Variants in PSMD3 observed in about 807,000 individuals in gnomAD.
PSMD3 encodes the protein 26S proteasome non-ATPase regulatory subunit 3.
In PSMD3, 5 loss-of-function variants were observed where a neutral mutation model predicts 62.8. The observed-to-expected ratio is 0.08, with a 90% CI of 0.04 to 0.17. PSMD3 has a LOEUF of 0.17. Ranked by LOEUF, PSMD3 falls within the 10% of genes least tolerant of loss-of-function variation. The pLI is 1.00. For missense variants in PSMD3, 524 were observed against 713.6 expected, an observed-to-expected ratio of 0.73 and a Z score of 3.03; for synonymous variants, 265 against 283.9, an observed-to-expected ratio of 0.93 and a Z score of 0.67.
chr17:39,994,716 C>T, intron 6 of PSMD3: 1 of 546,186 alleles, frequency 1.8e-6, no homozygotes, highest in Non-Finnish European at 3.3e-6. Flanking sequence ...TGAAATGCAG[C>T]TGACGGCTCT....
In PSMD3 at chr17:39,996,698, C is replaced by T. The variant is rs1022617431; in HGVS notation, c.1476+360C>T. 10 of 491,122 alleles carry T rather than the reference C, an allele frequency of 2.0e-5. No homozygotes were observed. Among genetic ancestry groups the T allele is most frequent in the Non-Finnish European group, 2.8e-5 (7 of 250,872 alleles). The allele number at this position is 491,122 out of a possible 1,614,324, so 30.4% of individuals were successfully genotyped here. A position where few individuals can be genotyped will look rare whatever the true frequency, so the allele number is the denominator to read the frequency against. ...GGTGTTACCTGTCTTGCTTGCTTCA[C>T]AGGGTTGGTAAGATTAAAAGAAGTC... On this transcript the variant is annotated intron_variant, in intron 10 of 11. Coordinates refer to ENST00000264639, the MANE Select transcript of PSMD3 (RefSeq NM_002809.4). This position sits in a 1 kb window ranked among gnomAD's most constrained non-coding sequence, Gnocchi z 5.1.
intron 6 of PSMD3, among the ~76,000 whole-genome samples, chr17:39,992,794 T>C (rs1482755073): frequency 1.4e-5 from 2 of 147,906 alleles, no homozygotes; most frequent in Admixed American, 6.9e-5. Flanking sequence ...CTGTCTCCCC[T>C]GGCTCCCTCC....
rs1355846744 is a variant in PSMD3 at position 39,984,355 on chromosome 17, G to A, written c.282G>A (p.Val94=). 2 of 1,613,810 alleles carry A rather than the reference G, an allele frequency of 1.2e-6. No individual in the cohort carries two copies. Among genetic ancestry groups the A allele is most frequent in the South Asian group, 1.1e-5 (1 of 91,052 alleles). The change falls in exon 2 of 12, where the codon GTG becomes GTA. Residue 94 remains valine (V), a synonymous_variant. Coordinates refer to ENST00000264639, the MANE Select transcript of PSMD3 (RefSeq NM_002809.4). ...KAVSGKEPRF[V]LRALRMLPST... ...TTTCAGGCAAGGAGCCGAGATTCGTGCTGCGGGCCCTGCGGATGCTGCCTT... is the reference window on the plus strand; with the variant it reads ...TTTCAGGCAAGGAGCCGAGATTCGTACTGCGGGCCCTGCGGATGCTGCCTT...
In PSMD3 at chr17:39,984,418, G is replaced by A; in HGVS notation, c.345G>A (p.Lys115=). 1.2e-6 allele frequency: 2 copies of A among 1,613,630 alleles called. No homozygotes were observed. Among genetic ancestry groups the A allele is most frequent in the Non-Finnish European group, 1.7e-6 (2 of 1,179,882 alleles). ...GCCTCAACCACTATGTTCTGTATAA[G>A]GCTGTGCAGGGCTTCTTCACTTCAA... ...SRRLNHYVLY[K]AVQGFFTSNN... is the part of the protein sequence containing the mutation. Residue 115 remains lysine (K), a synonymous_variant, in exon 2 of 12, where the codon AAG becomes AAA. Transcript: ENST00000264639.
Position 39,989,841 on chromosome 17 carries a change from G to C in PSMD3, c.789G>C (p.Leu263Phe). ...TGCGGAATTACCTACACTACAGCTTGTACGACCAGGCTGAGAAGCTGGTGT... is the reference window on the plus strand; with the variant it reads ...TGCGGAATTACCTACACTACAGCTTCTACGACCAGGCTGAGAAGCTGGTGT... ...LLLRNYLHYSLYDQAEKLVSK... is the reference protein window; with the variant it reads ...LLLRNYLHYSFYDQAEKLVSK... Residue 263 changes from leucine (L) to phenylalanine (F), a missense_variant, in exon 5 of 12, where the codon TTG becomes TTC. By Grantham distance (22) the Leu-to-Phe change is conservative. Around this residue, in one of 4 missense-constraint regions of PSMD3, gnomAD observed 396 missense variants for 475.8 expected, o/e 0.83. Transcript: ENST00000264639. 1 of 1,614,214 alleles carries C rather than the reference G, an allele frequency of 6.2e-7. No individual in the cohort carries two copies. Among genetic ancestry groups the C allele is most frequent in the Non-Finnish European group, 8.5e-7 (1 of 1,180,042 alleles).
At chr17:39,985,413 T>C (rs1360449595) in intron 2 of PSMD3, among the ~76,000 whole-genome samples, 1 of 152,214 alleles carries the variant, frequency 6.6e-6, no homozygotes, top group East Asian at 1.9e-4. Context: ...GAGCAGTGCC[T>C]GGTACGTAGT....
rs1980370090 is a variant in PSMD3, at chr17:39,981,085, G to C, written c.115G>C (p.Glu39Gln). The C allele has an allele frequency of 6.4e-7, 1 of 1,550,812 alleles. No individual in the cohort carries two copies. Among genetic ancestry groups the C allele is most frequent in the Non-Finnish European group, 8.7e-7 (1 of 1,146,814 alleles). ...GGCCCCCCAGGATGTGGAGATGAAA[G>C]AGGAGGCAGCGACGGGTGGCGGGTC... ...PPAPQDVEMKEEAATGGGSTG... is the reference protein window; with the variant it reads ...PPAPQDVEMKQEAATGGGSTG... Residue 39 changes from glutamate to glutamine, a missense_variant, in exon 1 of 12, where the codon GAG becomes CAG. Glu to Gln is a conservative substitution (Grantham distance 29). Transcript: ENST00000264639.
intron 3 of PSMD3, 136 bp downstream of exon 3, chr17:39,986,848 G>A (rs1980538017): frequency 8.0e-7 from 1 of 1,244,872 alleles, no homozygotes; most frequent in African/African-American, 1.5e-5. Flanking sequence ...TCCCCATAGA[G>A]GTATGCGTTT....
intron 2 of PSMD3, among the ~76,000 whole-genome samples, chr17:39,986,079 A>C (rs918047485): frequency 1.3e-5 from 2 of 151,988 alleles, no homozygotes; most frequent in Non-Finnish European, 2.9e-5. Flanking sequence ...TATTAATATT[A>C]TATTGCCAGC....
intron 6 of PSMD3, among the ~76,000 whole-genome samples, chr17:39,991,804 C>T (rs112729088): frequency 3.9e-3 from 601 of 152,196 alleles, no homozygotes; most frequent in African/African-American, 0.014. Flanking sequence ...CTTTGGGAGG[C>T]TGTGGCAAGA....
In PSMD3 at chr17:39,996,863, G is replaced by T; in HGVS notation, c.1477-467G>T. On this transcript the variant is annotated intron_variant, in intron 10 of 11. Transcript: ENST00000264639. The surrounding 1 kb of genome is among the most constrained non-coding windows in gnomAD (Gnocchi z 5.1). ...TATTTGCTTGCCATGTTTTTTTCTG[G>T]TCTCCTCCGAGGAAACTAGGATATT... 1 of 446,844 alleles carries T rather than the reference G, an allele frequency of 2.2e-6. No homozygotes were observed. Among genetic ancestry groups the T allele is most frequent in the Non-Finnish European group, 4.5e-6 (1 of 224,140 alleles). 27.7% of individuals were successfully genotyped at this position (446,844 alleles called of 1,614,324 possible).
rs772912884 is a variant in PSMD3, at chr17:39,995,133, G to A, written c.1097-43G>A. 1.2e-6 allele frequency: 2 copies of A among 1,614,046 alleles called. No homozygotes were observed. Among genetic ancestry groups the A allele is most frequent in the South Asian group, 1.1e-5 (1 of 91,084 alleles). ...CTTCAGTGGGGCCTCTTACATGCCT[G>A]TGCCTATTTGCATCATCCAATCTAC... On this transcript the variant is annotated intron_variant, in intron 7 of 11. Transcript: ENST00000264639. The surrounding 1 kb of genome is among the most constrained non-coding windows in gnomAD (Gnocchi z 4.1).
intron 1 of PSMD3, among the ~76,000 whole-genome samples, 195 bp downstream of exon 1, chr17:39,981,385 C>T (rs980756936): frequency 1.3e-5 from 2 of 152,212 alleles, no homozygotes; most frequent in African/African-American, 4.8e-5. Context: ...GGCTGGGAAC[C>T]ACTCCCCTCC....
chr17:39,984,256 G>T, intron 1 of PSMD3, 38 bp from the exon 2 acceptor site: 12 of 1,457,790 alleles, frequency 8.2e-6, no homozygotes, highest in South Asian at 1.2e-5. Flanking sequence ...GGGACTAGGA[G>T]TGAAAGTGAC....
Position 39,980,844 on chromosome 17 carries a change from C to T in PSMD3, c.-127C>T. On this transcript the variant is annotated 5_prime_UTR_variant, in exon 1 of 12. Coordinates refer to ENST00000264639, the MANE Select transcript of PSMD3 (RefSeq NM_002809.4). ...GCCGGGAAGGGGTTTGCAGCTGCTCCGTCATCGTGCGGCCCGACGCTATCT... is the reference window on the plus strand; with the variant it reads ...GCCGGGAAGGGGTTTGCAGCTGCTCTGTCATCGTGCGGCCCGACGCTATCT... The T allele has an allele frequency of 8.1e-6, 7 of 858,988 alleles. No homozygotes were observed. Among genetic ancestry groups the T allele is most frequent in the Non-Finnish European group, 1.0e-5 (6 of 589,026 alleles). 53.2% of individuals were successfully genotyped at this position (858,988 alleles called of 1,614,324 possible). A position where few individuals can be genotyped will look rare whatever the true frequency, so the allele number is the denominator to read the frequency against.
intron 2 of PSMD3, among the ~76,000 whole-genome samples, chr17:39,985,933 T>A (rs545088343): frequency 1.3e-5 from 2 of 152,330 alleles, no homozygotes; most frequent in East Asian, 3.9e-4. Flanking sequence ...CCAGTAGTAT[T>A]TGCAGTGGAT....
rs1395620207 is a variant in PSMD3, at chr17:39,996,651, C to T, written c.1476+313C>T. 1.9e-6 allele frequency: 1 copy of T among 539,580 alleles called. No individual in the cohort carries two copies. Among genetic ancestry groups the T allele is most frequent in the Non-Finnish European group, 3.5e-6 (1 of 282,098 alleles). 33.4% of individuals were successfully genotyped at this position (539,580 alleles called of 1,614,324 possible). On this transcript the variant is annotated intron_variant, in intron 10 of 11. Transcript: ENST00000264639. The surrounding 1 kb of genome is among the most constrained non-coding windows in gnomAD (Gnocchi z 5.1). ...TTTAACTTCTCAAAGCTCTGTTTCT[C>T]CATCTCTGAAGCTGATAGGGAGGTG...
At chr17:39,990,828 C>A (rs1232275270) in intron 6 of PSMD3, among the ~76,000 whole-genome samples, 4 of 152,160 alleles carry the variant, frequency 2.6e-5, no homozygotes, top group Non-Finnish European at 4.4e-5. Context: ...CCAAGGAACC[C>A]AGAAAATCTC....
In PSMD3 at chr17:39,996,644, T is replaced by C; in HGVS notation, c.1476+306T>C. On this transcript the variant is annotated intron_variant, in intron 10 of 11. Coordinates refer to ENST00000264639, the MANE Select transcript of PSMD3 (RefSeq NM_002809.4). The surrounding 1 kb of genome is among the most constrained non-coding windows in gnomAD (Gnocchi z 5.1). The stretch of plus-strand genomic sequence containing the variant: ...TGAGGCATTTAACTTCTCAAAGCTC[T>C]GTTTCTCCATCTCTGAAGCTGATAG... 1.8e-6 allele frequency: 1 copy of C among 550,544 alleles called. No homozygotes were observed. Among genetic ancestry groups the C allele is most frequent in the Non-Finnish European group, 3.5e-6 (1 of 289,186 alleles). 34.1% of individuals were successfully genotyped at this position (550,544 alleles called of 1,614,324 possible).
Sources: gnomAD v4.1 joint callset for allele counts (sites outside exome capture counted in the v4.1 genomes callset) on GRCh38, gnomAD v4.1.1 for gene constraint, gnomAD v4.1.1 regional missense constraint, Gnocchi (gnomAD v3.1) non-coding constraint, MANE v1.5 for transcripts, NCBI Gene and HGNC (gene_info 2026-07-23, HGNC 2026-07-21) for gene names.